Variants in GZF1 observed in about 807,000 individuals in gnomAD.
The protein encoded by GZF1 is GDNF-inducible zinc finger protein 1.
A neutral mutation model predicts 49.4 loss-of-function variants in GZF1; 28 were observed. That is an observed-to-expected ratio of 0.57 (90% CI 0.42 to 0.78). GZF1 has a LOEUF of 0.78. Among genes scored for constraint, GZF1 ranks in the 30% least tolerant of loss-of-function variants. The pLI is 0.00. For synonymous variants in GZF1, 364 were observed against 356.0 expected (o/e 1.02, Z -0.25); for missense variants, 798 against 916.2 (o/e 0.87, Z 1.67).
At chr20:23,368,410 G>T (rs1311451324) in intron 3 of GZF1, among the ~76,000 whole-genome samples, 2 of 152,156 alleles carry the variant, frequency 1.3e-5, no homozygotes, top group African/African-American at 4.8e-5. Flanking sequence ...ATCCATAGAA[G>T]TGTTCCTTTG....
At chr20:23,368,403 C>T (rs1981656613) in intron 3 of GZF1, among the ~76,000 whole-genome samples, 1 of 152,088 alleles carries the variant, frequency 6.6e-6, no homozygotes, top group African/African-American at 2.4e-5. Context: ...GATAAAGATC[C>T]ATAGAAGTGT....
upstream of GZF1, among the ~76,000 whole-genome samples, chr20:23,361,914 C>T (rs925012971): frequency 6.6e-6 from 1 of 152,224 alleles, no homozygotes; most frequent in Non-Finnish European, 1.5e-5. Context: ...TGTGGCGTGC[C>T]GCAGCGCAGA....
In GZF1 at chr20:23,371,917, A is replaced by C. The variant is rs1047676988; in HGVS notation, c.*1476A>C. 6.6e-6 allele frequency: 1 copy of C among 152,508 alleles called. No individual in the cohort carries two copies. Among genetic ancestry groups the C allele is most frequent in the African/African-American group, 2.4e-5 (1 of 41,466 alleles). The allele number at this position is 152,508 out of a possible 1,614,324, so 9.4% of individuals were successfully genotyped here. ...TTCCTAAGTGCTTATGTTTTAACTT[A>C]TGTTAGTGAAACCACTACAAGGTGT... On this transcript the variant is annotated 3_prime_UTR_variant, in exon 6 of 6. Transcript: ENST00000338121.
chr20:23,369,665 CAG>C lies in GZF1; in HGVS notation c.1710_1711del (p.Arg573AlafsTer26), dbSNP rs759139409. On this transcript the variant is annotated frameshift_variant, in exon 5 of 6. Transcript: ENST00000338121. LOFTEE classifies it high-confidence loss of function. ...CTCCAGCGCCACCGCCGCATCCACACAGGGGAGAGGCCATTCATGTGCAATGC... is the reference window on the plus strand; with the variant it reads ...CTCCAGCGCCACCGCCGCATCCACACGGGAGAGGCCATTCATGTGCAATGC... The C allele has an allele frequency of 9.9e-6, 16 of 1,614,194 alleles. No homozygotes were observed. The highest frequency in any genetic ancestry group is 1.3e-5 in the African/African-American group (1 of 75,068).
At position 23,368,904 on chromosome 20, in the gene GZF1, G is replaced by A; in HGVS notation, c.1602G>A (p.Leu534=). The A allele has an allele frequency of 6.2e-7, 1 of 1,613,488 alleles. No homozygotes were observed. The highest frequency in any genetic ancestry group is 8.5e-7 in the Non-Finnish European group (1 of 1,179,698). The part of the protein sequence containing the change: ...CFRTFAQRNS[L]YQHIKVHTGE... Reference sequence around the variant, plus strand: ...GGACTTTTGCCCAGCGGAATTCACTGTACCAGCATATTAAAGTCCACACAG... The same window carrying A: ...GGACTTTTGCCCAGCGGAATTCACTATACCAGCATATTAAAGTCCACACAG... The change falls in exon 4 of 6, where the codon CTG becomes CTA. Residue 534 remains leucine (L), a synonymous_variant. Transcript: ENST00000338121.
intron 1 of GZF1, chr20:23,362,605 G>A (rs1029858044): frequency 1.2e-4 from 18 of 152,432 alleles, no homozygotes; most frequent in African/African-American, 4.3e-4. Flanking sequence ...GCCGTGGACT[G>A]GGCTGCGGGT....
At chr20:23,366,980 T>C (rs1981473317) in intron 2 of GZF1, 23 bp from the exon 3 acceptor site, 1 of 1,490,056 alleles carries the variant, frequency 6.7e-7, no homozygotes, top group Non-Finnish European at 9.4e-7. Flanking sequence ...TCCTAAGTTA[T>C]CATCTGAATG....
chr20:23,368,743 A>C lies in GZF1; in HGVS notation c.1460-19A>C. The C allele has an allele frequency of 5.7e-6, 9 of 1,589,980 alleles. No homozygotes were observed. The highest frequency in any genetic ancestry group is 6.9e-6 in the Non-Finnish European group (8 of 1,166,942). On this transcript the variant is annotated intron_variant, in intron 3 of 5. Coordinates refer to ENST00000338121, the MANE Select transcript of GZF1 (RefSeq NM_022482.5). The stretch of plus-strand genomic sequence containing the variant: ...TAATGCCTGTATTGTTTATGACTTT[A>C]TTTCATTTTCTCATGTAGGTGAAAG...
In GZF1 at chr20:23,370,913, C is replaced by T. The variant is rs980173137; in HGVS notation, c.*472C>T. 1 of 155,282 alleles carries T rather than the reference C, an allele frequency of 6.4e-6. No homozygotes were observed. Among genetic ancestry groups the T allele is most frequent in the African/African-American group, 2.4e-5 (1 of 41,440 alleles). The allele number at this position is 155,282 out of a possible 1,614,324, so 9.6% of individuals were successfully genotyped here. A position where few individuals can be genotyped will look rare whatever the true frequency, so the allele number is the denominator to read the frequency against. ...TTCCAAGCTGAAATAAAACTGGGGC[C>T]ACATATTTTCAGTCATTTCTTCCCT... On this transcript the variant is annotated 3_prime_UTR_variant, in exon 6 of 6. Coordinates refer to ENST00000338121, the MANE Select transcript of GZF1 (RefSeq NM_022482.5).
chr20:23,370,366 C>A lies in GZF1; in HGVS notation c.2061C>A (p.Ile687=). Residue 687 remains isoleucine, a synonymous_variant, in exon 6 of 6, where the codon ATC becomes ATA. Coordinates refer to ENST00000338121, the MANE Select transcript of GZF1 (RefSeq NM_022482.5). ...VSQDTLLATT[I]SELSELTPQT... ...AGGACACCCTCCTGGCCACCACCAT[C>A]AGTGAGCTTAGCGAGCTGACCCCAC... is the stretch of plus-strand genomic sequence containing the variant. The A allele has an allele frequency of 6.2e-7, 1 of 1,614,064 alleles. No individual in the cohort carries two copies. The highest frequency in any genetic ancestry group is 8.5e-7 in the Non-Finnish European group (1 of 1,179,960).
rs1403832013 is a variant in GZF1, at chr20:23,372,657, A to G, written c.*2216A>G. 1 of 152,276 alleles carries G rather than the reference A, an allele frequency of 6.6e-6. No individual in the cohort carries two copies. Among genetic ancestry groups the G allele is most frequent in the African/African-American group, 2.4e-5 (1 of 41,454 alleles). The allele number at this position is 152,276 out of a possible 1,614,324, so 9.4% of individuals were successfully genotyped here. On this transcript the variant is annotated 3_prime_UTR_variant, in exon 6 of 6. Coordinates refer to ENST00000338121, the MANE Select transcript of GZF1 (RefSeq NM_022482.5). ...GAGGACCTCCTGGAGCATCTGCCCC[A>G]TTCCTCCAAGTCCAAGCACAGCCAT... is the stretch of plus-strand genomic sequence containing the variant.
In GZF1 at chr20:23,371,501, C is replaced by T. The variant is rs1445237198; in HGVS notation, c.*1060C>T. The T allele has an allele frequency of 4.6e-5, 7 of 152,612 alleles. No homozygotes were observed. The highest frequency in any genetic ancestry group is 7.2e-5 in the African/African-American group (3 of 41,448). 9.5% of individuals were successfully genotyped at this position (152,612 alleles called of 1,614,324 possible). A position where few individuals can be genotyped will look rare whatever the true frequency, so the allele number is the denominator to read the frequency against. ...CCAAAAGTCTCAGCACACTTACCTC[C>T]GATTATGCCTTAAAGAGTTGATTGT... is the stretch of plus-strand genomic sequence containing the variant. On this transcript the variant is annotated 3_prime_UTR_variant, in exon 6 of 6. Transcript: ENST00000338121.
At position 23,364,663 on chromosome 20, in the gene GZF1, G is replaced by A. The variant is rs143111256; in HGVS notation, c.280G>A (p.Val94Ile). The A allele has an allele frequency of 2.7e-5, 44 of 1,614,150 alleles. No homozygotes were observed. The highest frequency in any genetic ancestry group is 3.6e-5 in the Non-Finnish European group (43 of 1,180,046). The change falls in exon 2 of 6, where the codon GTC (valine) becomes ATC (isoleucine). Residue 94 changes from valine to isoleucine, a missense_variant. By Grantham distance (29) the Val-to-Ile change is conservative. Transcript: ENST00000338121. ...TGACTTTGCTTCATTTCTTGAGTTT[G>A]TCTACACTGCAAAGGTACAGGTGGA... ...VADFASFLEF[V>I]YTAKVQVEED... is the part of the protein sequence containing the mutation.
In GZF1 at chr20:23,365,225, GT is replaced by G; in HGVS notation, c.844del (p.Cys282AlafsTer52). On this transcript the variant is annotated frameshift_variant, in exon 2 of 6. Coordinates refer to ENST00000338121, the MANE Select transcript of GZF1 (RefSeq NM_022482.5). LOFTEE classifies it high-confidence loss of function. ...TEMEQVSKNEGCQAGAELEEL... is the reference protein window; with the variant it reads ...TEMEQVSKNEXCQAGAELEEL... The stretch of plus-strand genomic sequence containing the variant: ...ATGGAGCAGGTTTCCAAAAATGAGG[GT>G]TGCCAGGCAGGTGCTGAGTTGGAGG... The G allele has an allele frequency of 6.2e-7, 1 of 1,602,652 alleles. No individual in the cohort carries two copies. Among genetic ancestry groups the G allele is most frequent in the Non-Finnish European group, 8.5e-7 (1 of 1,173,816 alleles).
Position 23,371,137 on chromosome 20 carries a change from A to G in GZF1, c.*696A>G, listed in dbSNP as rs1408614526. 1.3e-5 allele frequency: 2 copies of G among 152,690 alleles called. No individual in the cohort carries two copies. The highest frequency in any genetic ancestry group is 2.9e-5 in the Non-Finnish European group (2 of 68,058). The allele number at this position is 152,690 out of a possible 1,614,324, so 9.5% of individuals were successfully genotyped here. A position where few individuals can be genotyped will look rare whatever the true frequency, so the allele number is the denominator to read the frequency against. On this transcript the variant is annotated 3_prime_UTR_variant, in exon 6 of 6. Coordinates refer to ENST00000338121, the MANE Select transcript of GZF1 (RefSeq NM_022482.5). ...AGTTTGTCATAAAATCAACTTAGAA[A>G]TGAGATGAGGCTGTTCAGTTTGTCT...
chr20:23,361,547 C>G (rs1218952224), upstream of GZF1, among the ~76,000 whole-genome samples: 3 of 152,188 alleles, frequency 2.0e-5, no homozygotes, highest in African/African-American at 7.2e-5. Flanking sequence ...CGCCGAGCCC[C>G]CCAGCAGGGC....
At position 23,364,687 on chromosome 20, in the gene GZF1, G is replaced by A. The variant is rs1257499655; in HGVS notation, c.304G>A (p.Glu102Lys). The A allele has an allele frequency of 3.1e-6, 5 of 1,614,278 alleles. No individual in the cohort carries two copies. Among genetic ancestry groups the A allele is most frequent in the Admixed American group, 1.7e-5 (1 of 60,036 alleles). The change falls in exon 2 of 6, where the codon GAA (glutamate) becomes AAA (lysine). Residue 102 changes from glutamate to lysine, a missense_variant. By Grantham distance (56) the Glu-to-Lys change is moderately conservative (BLOSUM62 1). Around this residue, in one of 3 missense-constraint regions of GZF1, gnomAD observed 105 missense variants for 147.5 expected, o/e 0.71. Transcript: ENST00000338121. Reference sequence around the variant, plus strand: ...TGTCTACACTGCAAAGGTACAGGTGGAAGAAGATCGGGTGCAGCGAATGCT... The same window carrying A: ...TGTCTACACTGCAAAGGTACAGGTGAAAGAAGATCGGGTGCAGCGAATGCT... ...EFVYTAKVQV[E>K]EDRVQRMLEV...
In GZF1 at chr20:23,370,632, G is replaced by C. The variant is rs956715889; in HGVS notation, c.*191G>C. The C allele has an allele frequency of 6.9e-6, 4 of 582,684 alleles. No homozygotes were observed. Among genetic ancestry groups the C allele is most frequent in the African/African-American group, 3.7e-5 (2 of 53,546 alleles). 36.1% of individuals were successfully genotyped at this position (582,684 alleles called of 1,614,324 possible). A position where few individuals can be genotyped will look rare whatever the true frequency, so the allele number is the denominator to read the frequency against. On this transcript the variant is annotated 3_prime_UTR_variant, in exon 6 of 6. Coordinates refer to ENST00000338121, the MANE Select transcript of GZF1 (RefSeq NM_022482.5). ...TTTAAAGCTTTCCCTCAAAAATCCT[G>C]ATCTGCATGATCTCAGCTACTTTAT...
intron 5 of GZF1, 104 bp downstream of exon 5, chr20:23,369,845 A>G: frequency 7.9e-7 from 1 of 1,266,582 alleles, no homozygotes; most frequent in African/African-American, 1.5e-5. Flanking sequence ...GGTCGAGACA[A>G]CAGGTACTTT....
Sources: gnomAD v4.1 joint callset for allele counts (sites outside exome capture counted in the v4.1 genomes callset) on GRCh38, gnomAD v4.1.1 for gene constraint, gnomAD v4.1.1 regional missense constraint, MANE v1.5 for transcripts, NCBI Gene and HGNC (gene_info 2026-07-23, HGNC 2026-07-21) for gene names.